PPP1R9A: variants seen among roughly 807,000 people sequenced by gnomAD.
PPP1R9A encodes the protein protein phosphatase 1 regulatory subunit 9A, also known as neurabin-1.
A neutral mutation model predicts 141.9 loss-of-function variants in PPP1R9A; 59 were observed. The observed-to-expected ratio is 0.42, with a 90% CI of 0.34 to 0.52. The LOEUF (loss-of-function observed/expected upper bound fraction) is 0.52, where lower values mean the gene tolerates loss of function less well. PPP1R9A is among the 20% of genes least tolerant of loss of function. PPP1R9A has a pLI of 0.10. For missense variants in PPP1R9A, 1,444 were observed against 1,611.9 expected, an observed-to-expected ratio of 0.90 and a Z score of 1.78; for synonymous variants, 500 against 569.7, an observed-to-expected ratio of 0.88 and a Z score of 1.74.
chr7:95,017,174 G>A (rs1805225118), intron 2 of PPP1R9A, among the ~76,000 whole-genome samples: 1 of 152,080 alleles, frequency 6.6e-6, no homozygotes, highest in Admixed American at 6.6e-5. Context: ...TGGATTTCTA[G>A]CCTCTAGAAC....
intron 2 of PPP1R9A, among the ~76,000 whole-genome samples, chr7:94,916,914 A>G (rs1792142921): frequency 6.6e-6 from 1 of 152,130 alleles, no homozygotes; most frequent in South Asian, 2.1e-4. Flanking sequence ...TCCTGGGTTC[A>G]AGAGATTCTC....
At chr7:95,066,444 C>T (rs1232017112) in intron 2 of PPP1R9A, among the ~76,000 whole-genome samples, 1 of 151,270 alleles carries the variant, frequency 6.6e-6, no homozygotes, top group Non-Finnish European at 1.5e-5. Context: ...TAAGATAACC[C>T]AAAGGAAAAA....
intron 2 of PPP1R9A, among the ~76,000 whole-genome samples, chr7:95,044,990 G>C (rs1014217155): frequency 1.3e-5 from 2 of 151,950 alleles, no homozygotes; most frequent in African/African-American, 4.8e-5. Context: ...ATAGAAAATG[G>C]GTTCTAGGAC....
intron 10 of PPP1R9A, 49 bp downstream of exon 10, chr7:95,250,304 G>A (rs1798696369): frequency 6.8e-7 from 1 of 1,473,394 alleles, no homozygotes; most frequent in African/African-American, 1.4e-5. Context: ...TCTAAAGAAG[G>A]TTTATGTCCA....
chr7:95,143,411 A>G (rs546816650), intron 4 of PPP1R9A, among the ~76,000 whole-genome samples: 1 of 152,196 alleles, frequency 6.6e-6, no homozygotes, highest in Non-Finnish European at 1.5e-5. Context: ...AAGACCATAG[A>G]TCTCAGACTT....
At chr7:95,019,820 C>T (rs1484774497) in intron 2 of PPP1R9A, among the ~76,000 whole-genome samples, 2 of 152,048 alleles carry the variant, frequency 1.3e-5, no homozygotes, top group Admixed American at 6.6e-5. Context: ...TTAAACATCC[C>T]CCCTCGCCCA....
rs200612047 is a variant in PPP1R9A at position 95,268,724 on chromosome 7, G to C, written c.2823+17G>C. 26 of 1,607,476 alleles carry C rather than the reference G, an allele frequency of 1.6e-5. No individual in the cohort carries two copies. In the African/African-American group the frequency reaches 3.1e-4, roughly 19 times the overall value. On this transcript the variant is annotated intron_variant, in intron 13 of 19. Transcript: ENST00000433360. Reference sequence around the variant, plus strand: ...GAGAGAAAGGTGAGCACCCTTGACCGTTTCCTGATTTGTACTGTTGGAGTA... The same window carrying C: ...GAGAGAAAGGTGAGCACCCTTGACCCTTTCCTGATTTGTACTGTTGGAGTA...
intron 5 of PPP1R9A, among the ~76,000 whole-genome samples, chr7:95,173,130 G>T (rs1213568129): frequency 6.6e-6 from 1 of 151,704 alleles, no homozygotes; most frequent in Non-Finnish European, 1.5e-5. Context: ...TAGAAAACAG[G>T]CAAAAATCTG....
intron 2 of PPP1R9A, among the ~76,000 whole-genome samples, chr7:95,103,495 G>C (rs955424901): frequency 6.6e-6 from 1 of 151,548 alleles, no homozygotes; most frequent in African/African-American, 2.4e-5. Flanking sequence ...AGCCTCCTGA[G>C]TAGCTGGGAC....
chr7:95,099,682 C>A (rs1818499802), intron 2 of PPP1R9A, among the ~76,000 whole-genome samples: 1 of 151,910 alleles, frequency 6.6e-6, no homozygotes, highest in Admixed American at 6.6e-5. Context: ...CTAGGCAATA[C>A]TATACCTTAA....
intron 2 of PPP1R9A, among the ~76,000 whole-genome samples, chr7:95,094,426 C>G (rs901930377): frequency 1.3e-5 from 2 of 152,246 alleles, no homozygotes; most frequent in Admixed American, 1.3e-4. Flanking sequence ...CTACTCCATC[C>G]CGTCTTCCAG....
chr7:95,002,821 G>A (rs1228751522), intron 2 of PPP1R9A, among the ~76,000 whole-genome samples: 1 of 152,104 alleles, frequency 6.6e-6, no homozygotes, highest in Non-Finnish European at 1.5e-5. Flanking sequence ...AAACTGTGAT[G>A]TAAGTGTTCA....
At chr7:95,205,390 A>G (rs1393753506) in intron 7 of PPP1R9A, among the ~76,000 whole-genome samples, 3 of 152,212 alleles carry the variant, frequency 2.0e-5, no homozygotes, top group Admixed American at 2.0e-4. Flanking sequence ...CCTAGAAACA[A>G]TGCTAGAACA....
At chr7:95,115,433 A>G (rs1821309512) in intron 3 of PPP1R9A, among the ~76,000 whole-genome samples, 1 of 152,200 alleles carries the variant, frequency 6.6e-6, no homozygotes, top group Non-Finnish European at 1.5e-5. Context: ...GTACCTTTAA[A>G]GAATGCATAA....
At position 95,274,529 on chromosome 7, in the gene PPP1R9A, T is replaced by C. The variant is rs191674244; in HGVS notation, c.3296+361T>C. On this transcript the variant is annotated intron_variant, in intron 16 of 19. Coordinates refer to ENST00000433360, the MANE Select transcript of PPP1R9A (RefSeq NM_001166160.2). ...TACCCACAATGCTAGTGCATTGTAT[T>C]AAGTCTAAAAGGATAATCATTTTGC... 5.9e-5 allele frequency among the ~76,000 whole-genome samples: 9 copies of C among 152,350 alleles called. No individual in the cohort carries two copies. The East Asian group carries it at 1.7e-3, about 29-fold the overall frequency.
intron 2 of PPP1R9A, among the ~76,000 whole-genome samples, chr7:94,943,607 C>G (rs1299732589): frequency 1.2e-4 from 14 of 112,858 alleles, no homozygotes; most frequent in Admixed American, 1.2e-3. Context: ...TTGAGGAAGT[C>G]AAGCTTATGA....
chr7:95,108,533 A>T (rs1162119277), intron 2 of PPP1R9A, among the ~76,000 whole-genome samples: 5 of 151,250 alleles, frequency 3.3e-5, no homozygotes, highest in Admixed American at 3.3e-4. Flanking sequence ...GACAGTCTGG[A>T]TCTCCTGACC....
At position 94,940,914 on chromosome 7, in the gene PPP1R9A, A is replaced by G. The variant is rs1038097412; in HGVS notation, c.1395+29406A>G. Among the ~76,000 whole-genome samples, 6 of 152,080 alleles carry G rather than the reference A, an allele frequency of 3.9e-5. 1 individual carries two copies. The South Asian group carries it at 1.2e-3, about 31-fold the overall frequency. On this transcript the variant is annotated intron_variant, in intron 2 of 19. Coordinates refer to ENST00000433360, the MANE Select transcript of PPP1R9A (RefSeq NM_001166160.2). The stretch of plus-strand genomic sequence containing the variant: ...CCAAAATACACCTTGCCCAGCTCCC[A>G]TCTTTCTGTAAGCTATAAGGAGTTG...
At chr7:94,959,327 G>T (rs955396896) in intron 2 of PPP1R9A, among the ~76,000 whole-genome samples, 4 of 151,538 alleles carry the variant, frequency 2.6e-5, no homozygotes, top group African/African-American at 7.3e-5. Context: ...AAAATGAAAA[G>T]ATTATTTTGA....
Sources: gnomAD v4.1 joint callset for allele counts (sites outside exome capture counted in the v4.1 genomes callset) on GRCh38, gnomAD v4.1.1 for gene constraint, MANE v1.5 for transcripts, NCBI Gene and HGNC (gene_info 2026-07-23, HGNC 2026-07-21) for gene names.